Variants in FKBP4 observed in about 807,000 individuals in gnomAD.
FKBP4 encodes the protein peptidyl-prolyl cis-trans isomerase FKBP4.
FKBP4 carries 28 observed loss-of-function variants against 54.1 expected under a neutral mutation model. The observed-to-expected ratio is 0.52, with a 90% confidence interval of 0.38 to 0.71. The LOEUF (loss-of-function observed/expected upper bound fraction) is 0.71, where lower values mean the gene tolerates loss of function less well. Among genes scored for constraint, FKBP4 ranks in the 30% least tolerant of loss-of-function variants. FKBP4 has a pLI of 0.00. For synonymous variants in FKBP4, 223 were observed against 216.1 expected, an observed-to-expected ratio of 1.03 and a Z score of -0.28; for missense variants, 493 against 574.4, an observed-to-expected ratio of 0.86 and a Z score of 1.45.
intron 1 of FKBP4, chr12:2,796,720 A>G (rs1565395993): frequency 9.4e-7 from 1 of 1,067,064 alleles, no homozygotes. Flanking sequence ...GCATGAAGGA[A>G]GAAGGAGGAA....
At position 2,803,257 on chromosome 12, in the gene FKBP4, A is replaced by G. The variant is rs1428245650; in HGVS notation, c.1379A>G (p.Ter460TrpextTer30). 1.3e-6 allele frequency: 2 copies of G among 1,570,674 alleles called. No homozygotes were observed. The highest frequency in any genetic ancestry group is 8.6e-7 in the Non-Finnish European group (1 of 1,159,096). ...GSQSQVETEA[*>W] ...CAGTCTCAGGTGGAGACAGAAGCAT[A>G]GCCCCTCTCCACCAGCCCTACTCCT... Residue 460 changes from the stop codon to tryptophan, a stop_lost, in exon 10 of 10, where the codon TAG (stop) becomes TGG (tryptophan). Coordinates refer to ENST00000001008, the MANE Select transcript of FKBP4 (RefSeq NM_002014.4).
At chr12:2,799,475 AG>A (rs1250396813) in intron 5 of FKBP4, among the ~76,000 whole-genome samples, 1 of 152,204 alleles carries the variant, frequency 6.6e-6, no homozygotes, top group Admixed American at 6.5e-5. Context: ...TCTGCCATCA[AG>A]ATTTTCCTCT....
At chr12:2,799,287 A>G (rs370469372) in intron 5 of FKBP4, 43 bp downstream of exon 5, 221 of 1,462,938 alleles carry the variant, frequency 1.5e-4, no homozygotes, top group Non-Finnish European at 1.9e-4. Flanking sequence ...CAGGCAAACC[A>G]AGATCAAAGA....
Position 2,795,179 on chromosome 12 carries a change from C to T in FKBP4, c.40C>T (p.Gln14Ter). The T allele has an allele frequency of 7.6e-7, 1 of 1,319,378 alleles. No homozygotes were observed. Among genetic ancestry groups the T allele is most frequent in the Non-Finnish European group, 9.7e-7 (1 of 1,025,674 alleles). 81.7% of individuals were successfully genotyped at this position (1,319,378 alleles called of 1,614,324 possible). The change falls in exon 1 of 10, where the codon CAG becomes TAG. Residue 14 changes from glutamine (Q) to a stop codon, truncating the protein, a stop_gained. Transcript: ENST00000001008. LOFTEE classifies it high-confidence loss of function. The surrounding 1 kb of genome is among the most constrained non-coding windows in gnomAD (Gnocchi z 4.3). ...EEMKATESGAQSAPLPMEGVD... is the reference protein window; with the variant it reads ...EEMKATESGA ...GATGAAGGCGACCGAGAGCGGGGCGCAGTCGGCGCCGCTGCCCATGGAGGG... is the reference window on the plus strand; with the variant it reads ...GATGAAGGCGACCGAGAGCGGGGCGTAGTCGGCGCCGCTGCCCATGGAGGG...
intron 8 of FKBP4, 108 bp downstream of exon 8, chr12:2,800,685 G>A: frequency 9.1e-7 from 1 of 1,100,382 alleles, no homozygotes; most frequent in South Asian, 1.6e-5. Flanking sequence ...ATAGCAGGGT[G>A]GATCAGTGGG....
rs1371557468 is a variant in FKBP4 at position 2,799,868 on chromosome 12, T to C, written c.690T>C (p.Val230=). The C allele has an allele frequency of 2.5e-6, 4 of 1,613,946 alleles. No homozygotes were observed. The African/African-American group carries it at 5.3e-5, about 22-fold the overall frequency. ...CCTCCAGCTATGCTTTTGGCAGTGT[T>C]GGGAAGGAAAAGTTCCAAATCCCAC... is the stretch of plus-strand genomic sequence containing the variant. ...YLKPSYAFGS[V]GKEKFQIPPN... is the part of the protein sequence containing the mutation. Residue 230 remains valine (V), a synonymous_variant, in exon 6 of 10, where the codon GTT becomes GTC. Coordinates refer to ENST00000001008, the MANE Select transcript of FKBP4 (RefSeq NM_002014.4).
At chr12:2,797,654 A>T in intron 2 of FKBP4, 75 bp from the exon 3 acceptor site, 4 of 1,519,762 alleles carry the variant, frequency 2.6e-6, no homozygotes, top group Non-Finnish European at 3.6e-6. Context: ...GTGGTGCAGT[A>T]ACTCTTCAGG....
chr12:2,798,712 T>C lies in FKBP4; in HGVS notation c.400T>C (p.Leu134=). 5 of 1,613,104 alleles carry C rather than the reference T, an allele frequency of 3.1e-6. No individual in the cohort carries two copies. Among genetic ancestry groups the C allele is most frequent in the Non-Finnish European group, 3.4e-6 (4 of 1,179,886 alleles). Residue 134 remains leucine, a synonymous_variant, in exon 4 of 10, where the codon TTG becomes CTG. Transcript: ENST00000001008. This position sits in a 1 kb window ranked among gnomAD's most constrained non-coding sequence, Gnocchi z 4.3. ...GTCACATCTTGTCCCACAGGTGGAG[T>C]TGTTTGAGTTTAAGGGAGAAGATCT... ...PNATLVFEVE[L]FEFKGEDLTE... is the part of the protein sequence containing the mutation.
intron 1 of FKBP4, 144 bp from the exon 2 acceptor site, chr12:2,796,994 T>A (rs1432521441): frequency 7.0e-7 from 1 of 1,423,772 alleles, no homozygotes; most frequent in African/African-American, 1.4e-5. Context: ...AAGCTGCTAG[T>A]AACTGAATCT....
In FKBP4 at chr12:2,800,702, G is replaced by C. The variant is rs377098730; in HGVS notation, c.1032+125G>C. 25 of 957,024 alleles carry C rather than the reference G, an allele frequency of 2.6e-5. No individual in the cohort carries two copies. In the South Asian group the frequency reaches 3.7e-4, roughly 14 times the overall value. The allele number at this position is 957,024 out of a possible 1,614,324, so 59.3% of individuals were successfully genotyped here. A position where few individuals can be genotyped will look rare whatever the true frequency, so the allele number is the denominator to read the frequency against. On this transcript the variant is annotated intron_variant, in intron 8 of 9. Transcript: ENST00000001008. ...AGCAGGGTGGATCAGTGGGAGCTCT[G>C]AGGTTACAGACCAAAGGCACGGATG...
chr12:2,796,028 C>T, intron 1 of FKBP4: 1 of 1,168,348 alleles, frequency 8.6e-7, no homozygotes, highest in East Asian at 6.4e-5. Context: ...CGCTCGACTA[C>T]AAATAGCCTG....
At chr12:2,796,549 A>C (rs1302408620) in intron 1 of FKBP4, 1 of 1,190,012 alleles carries the variant, frequency 8.4e-7, no homozygotes, top group South Asian at 1.6e-5. Flanking sequence ...TACCAGAGGA[A>C]TACTCAGCTC....
Position 2,805,307 on chromosome 12 carries a change from A to C in FKBP4, c.*2049A>C. On this transcript the variant is annotated 3_prime_UTR_variant, in exon 10 of 10. Coordinates refer to ENST00000001008, the MANE Select transcript of FKBP4 (RefSeq NM_002014.4). ...CGAAAGCATTCCTGAGGTTTCTTCC[A>C]GCTCTGCATCCTGTAGGATTCCAAG... 2 of 397,944 alleles carry C rather than the reference A, an allele frequency of 5.0e-6. No homozygotes were observed. The highest frequency in any genetic ancestry group is 3.7e-5 in the South Asian group (2 of 54,110). The allele number at this position is 397,944 out of a possible 1,614,324, so 24.7% of individuals were successfully genotyped here.
chr12:2,801,877 G>A (rs912507157), intron 9 of FKBP4: 1 of 282,234 alleles, frequency 3.5e-6, no homozygotes. Flanking sequence ...TGCCCCTTCA[G>A]GGTCTTGGAT....
chr12:2,805,326 T>G lies in FKBP4; in HGVS notation c.*2068T>G. Reference sequence around the variant, plus strand: ...TCTTCCAGCTCTGCATCCTGTAGGATTCCAAGAATGTAAAACTGCATGTAA... The same window carrying G: ...TCTTCCAGCTCTGCATCCTGTAGGAGTCCAAGAATGTAAAACTGCATGTAA... On this transcript the variant is annotated 3_prime_UTR_variant, in exon 10 of 10. Transcript: ENST00000001008. 2 of 364,296 alleles carry G rather than the reference T, an allele frequency of 5.5e-6. No individual in the cohort carries two copies. Among genetic ancestry groups the G allele is most frequent in the Non-Finnish European group, 1.1e-5 (2 of 186,294 alleles). 22.6% of individuals were successfully genotyped at this position (364,296 alleles called of 1,614,324 possible).
Position 2,805,036 on chromosome 12 carries a change from A to G in FKBP4, c.*1778A>G. 3.1e-6 allele frequency: 1 copy of G among 320,078 alleles called. No individual in the cohort carries two copies. The highest frequency in any genetic ancestry group is 6.2e-6 in the Non-Finnish European group (1 of 162,418). The allele number at this position is 320,078 out of a possible 1,614,324, so 19.8% of individuals were successfully genotyped here. On this transcript the variant is annotated 3_prime_UTR_variant, in exon 10 of 10. Transcript: ENST00000001008. ...AAAAGTAGTAGATTCTTACGCCTGC[A>G]GCCAACAATAATCACTAACTCAAGC... is the stretch of plus-strand genomic sequence containing the variant.
Position 2,799,207 on chromosome 12 carries a change from G to A in FKBP4, c.634G>A (p.Glu212Lys). ...TCTGGAGAGGGCCATTCAGCGCATG[G>A]AGAAAGGAGAACATTCCATCGTGTA... is the stretch of plus-strand genomic sequence containing the variant. ...YGLERAIQRM[E>K]KGEHSIVYLK... The change falls in exon 5 of 10, where the codon GAG becomes AAG. Residue 212 changes from glutamate (E) to lysine (K), a missense_variant. Physicochemically the swap from Glu to Lys is moderately conservative, Grantham distance 56. Coordinates refer to ENST00000001008, the MANE Select transcript of FKBP4 (RefSeq NM_002014.4). The A allele has an allele frequency of 1.9e-6, 3 of 1,564,046 alleles. No individual in the cohort carries two copies. Among genetic ancestry groups the A allele is most frequent in the Non-Finnish European group, 2.6e-6 (3 of 1,157,196 alleles).
Position 2,799,076 on chromosome 12 carries a change from C to CT in FKBP4, c.515-9dup. 1 of 1,524,228 alleles carries CT rather than the reference C, an allele frequency of 6.6e-7. No individual in the cohort carries two copies. The highest frequency in any genetic ancestry group is 8.8e-7 in the Non-Finnish European group (1 of 1,136,372). The allele number at this position is 1,524,228 out of a possible 1,614,324, so 94.4% of individuals were successfully genotyped here. On this transcript the variant is annotated splice_polypyrimidine_tract_variant and intron_variant, in intron 4 of 9. Transcript: ENST00000001008. ...CTTACAACTCTGGTACACTGCCTCT[C>CT]TTTCATGCCAGTTGCACTGGAAGGG...
chr12:2,801,393 C>A (rs372618932), intron 9 of FKBP4, 37 bp downstream of exon 9: 3 of 1,610,328 alleles, frequency 1.9e-6, no homozygotes, highest in Non-Finnish European at 2.5e-6. Flanking sequence ...GAATAGCATC[C>A]CTCCACTTAA....
Sources: gnomAD v4.1 joint callset for allele counts (sites outside exome capture counted in the v4.1 genomes callset) on GRCh38, gnomAD v4.1.1 for gene constraint, Gnocchi (gnomAD v3.1) non-coding constraint, MANE v1.5 for transcripts, NCBI Gene and HGNC (gene_info 2026-07-23, HGNC 2026-07-21) for gene names.